AGPAT4: variants seen among roughly 807,000 people sequenced by gnomAD.
AGPAT4 encodes 1-acylglycerol-3-phosphate O-acyltransferase 4.
In AGPAT4, 15 loss-of-function variants were observed where a neutral mutation model predicts 48.0. The ratio of observed to expected loss-of-function variants is 0.31; its 90% CI spans 0.21 to 0.48. The LOEUF is 0.48. Ranked by LOEUF, AGPAT4 falls within the 20% of genes least tolerant of loss-of-function variation. The probability of loss-of-function intolerance (pLI) is 0.99; values close to 1 mark genes in which losing one functional copy is unlikely to be tolerated. For missense variants in AGPAT4, 314 were observed against 482.5 expected, an observed-to-expected ratio of 0.65 and a Z score of 3.27; for synonymous variants, 178 against 198.7, an observed-to-expected ratio of 0.90 and a Z score of 0.88.
rs1280056486 is a variant in AGPAT4 at position 161,238,115 on chromosome 6, G to A, written c.-89-5813C>T. ...GGGGCGGGAGGCAGAATGCAGCATAGTTGTTGGAGCTTCCGCTGTGGAGAG... is the reference window on the plus strand; with the variant it reads ...GGGGCGGGAGGCAGAATGCAGCATAATTGTTGGAGCTTCCGCTGTGGAGAG... On this transcript the variant is annotated intron_variant, in intron 1 of 8. Transcript: ENST00000320285. The surrounding 1 kb of genome is among the most constrained non-coding windows in gnomAD (Gnocchi z 5.2). Among the ~76,000 whole-genome samples, 1 of 152,092 alleles carries A rather than the reference G, an allele frequency of 6.6e-6. No homozygotes were observed. Among genetic ancestry groups the A allele is most frequent in the African/African-American group, 2.4e-5 (1 of 41,392 alleles).
rs969683121 is a variant in AGPAT4 at position 161,267,969 on chromosome 6, A to G, written c.-90+5969T>C. Among the ~76,000 whole-genome samples, 1 of 152,224 alleles carries G rather than the reference A, an allele frequency of 6.6e-6. No homozygotes were observed. The highest frequency in any genetic ancestry group is 1.5e-5 in the Non-Finnish European group (1 of 68,038). On this transcript the variant is annotated intron_variant, in intron 1 of 8. Transcript: ENST00000320285. This position sits in a 1 kb window ranked among gnomAD's most constrained non-coding sequence, Gnocchi z 5.2. Reference sequence around the variant, plus strand: ...GCTCTGCACTGGGCATGGGAGACAGACTGTGGAATATGCCATGGCAAGGTG... The same window carrying G: ...GCTCTGCACTGGGCATGGGAGACAGGCTGTGGAATATGCCATGGCAAGGTG...
rs913034954 is a variant in AGPAT4, at chr6:161,131,192, C to A, written c.*5348G>T. 1.1e-5 allele frequency: 3 copies of A among 274,722 alleles called. No homozygotes were observed. The highest frequency in any genetic ancestry group is 6.6e-5 in the African/African-American group (3 of 45,600). 17.0% of individuals were successfully genotyped at this position (274,722 alleles called of 1,614,324 possible). On this transcript the variant is annotated 3_prime_UTR_variant, in exon 9 of 9. Coordinates refer to ENST00000320285, the MANE Select transcript of AGPAT4 (RefSeq NM_020133.3). Reference sequence around the variant, plus strand: ...AAATGTAAAAATTGTATGACTCTTACCCAGTGAAAAGCTTTACTAACACAG... The same window carrying A: ...AAATGTAAAAATTGTATGACTCTTAACCAGTGAAAAGCTTTACTAACACAG...
rs11963044 is a variant in AGPAT4, at chr6:161,243,658, G to A, written c.-89-11356C>T. 0.04 allele frequency among the ~76,000 whole-genome samples: 6,113 copies of A among 152,254 alleles called. 418 individuals carry two copies. Among genetic ancestry groups the A allele is most frequent in the African/African-American group, 0.14 (5,679 of 41,528 alleles). ...GCAGAGAAACAGCACAACAGCTGCA[G>A]GAAGAACCCTCAGTCGAAGCCCCTG... On this transcript the variant is annotated intron_variant, in intron 1 of 8. Coordinates refer to ENST00000320285, the MANE Select transcript of AGPAT4 (RefSeq NM_020133.3). This position sits in a 1 kb window ranked among gnomAD's most constrained non-coding sequence, Gnocchi z 4.8.
chr6:161,235,709 G>C lies in AGPAT4; in HGVS notation c.-89-3407C>G, dbSNP rs182700956. Among the ~76,000 whole-genome samples, 174 of 152,236 alleles carry C rather than the reference G, an allele frequency of 1.1e-3. 1 individual carries two copies. Among genetic ancestry groups the C allele is most frequent in the African/African-American group, 4.0e-3 (165 of 41,542 alleles). ...GGAGCGGGCATCTTACAAGGCAGGA[G>C]GAAGAGCGAGAGAGAGAGAAGGGGG... On this transcript the variant is annotated intron_variant, in intron 1 of 8. Transcript: ENST00000320285. This position sits in a 1 kb window ranked among gnomAD's most constrained non-coding sequence, Gnocchi z 6.2.
In AGPAT4 at chr6:161,196,597, CAA is replaced by C. The variant is rs1309211288; in HGVS notation, c.179-30182_179-30181del. On this transcript the variant is annotated intron_variant, in intron 2 of 8. Transcript: ENST00000320285. The surrounding 1 kb of genome is among the most constrained non-coding windows in gnomAD (Gnocchi z 4.3). ...CCGAGTCAGGCGGATCACTTGAGGT[CAA>C]GAGTTCGAGACCAGCCTGGCCAACA... is the stretch of plus-strand genomic sequence containing the variant. Among the ~76,000 whole-genome samples the C allele has an allele frequency of 4.6e-5, 7 of 151,948 alleles. No homozygotes were observed. The highest frequency in any genetic ancestry group is 3.9e-4 in the Admixed American group (6 of 15,258).
In AGPAT4 at chr6:161,272,129, A is replaced by G. The variant is rs144327223; in HGVS notation, c.-90+1809T>C. On this transcript the variant is annotated intron_variant, in intron 1 of 8. Transcript: ENST00000320285. This position sits in a 1 kb window ranked among gnomAD's most constrained non-coding sequence, Gnocchi z 4.2. ...TGCCCCATTTTCAGGTAACTTTTCT[A>G]CCTGAATTACTTAGGACCTCTGGAT... Among the ~76,000 whole-genome samples the G allele has an allele frequency of 2.0e-5, 3 of 152,232 alleles. No homozygotes were observed. The East Asian group carries it at 5.8e-4, about 29-fold the overall frequency.
Position 161,261,716 on chromosome 6 carries a change from C to T in AGPAT4, c.-90+12222G>A, listed in dbSNP as rs1383023158. Among the ~76,000 whole-genome samples the T allele has an allele frequency of 6.6e-6, 1 of 152,236 alleles. No homozygotes were observed. The highest frequency in any genetic ancestry group is 6.5e-5 in the Admixed American group (1 of 15,286). On this transcript the variant is annotated intron_variant, in intron 1 of 8. Coordinates refer to ENST00000320285, the MANE Select transcript of AGPAT4 (RefSeq NM_020133.3). The surrounding 1 kb of genome is among the most constrained non-coding windows in gnomAD (Gnocchi z 5.3). ...GAGCTCTACCTCTTTTCTAGGAATA[C>T]ATGTTTGTAAGGGGGTTTCCTCCAC...
rs1052002518 is a variant in AGPAT4, at chr6:161,144,490, G to C, written c.843+2034C>G. Among the ~76,000 whole-genome samples, 11 of 152,142 alleles carry C rather than the reference G, an allele frequency of 7.2e-5. No homozygotes were observed. The highest frequency in any genetic ancestry group is 7.2e-4 in the Admixed American group (11 of 15,278). On this transcript the variant is annotated intron_variant, in intron 7 of 8. Transcript: ENST00000320285. This position sits in a 1 kb window ranked among gnomAD's most constrained non-coding sequence, Gnocchi z 6.6. Reference sequence around the variant, plus strand: ...CCTAAGAGACTTTTAACAAGAAGGAGATGTGCCTCTCAGCTTGGTTTACAC... The same window carrying C: ...CCTAAGAGACTTTTAACAAGAAGGACATGTGCCTCTCAGCTTGGTTTACAC...
rs1779201612 is a variant in AGPAT4 at position 161,140,057 on chromosome 6, C to G, written c.844-437G>C. Among the ~76,000 whole-genome samples the G allele has an allele frequency of 6.6e-6, 1 of 152,224 alleles. No individual in the cohort carries two copies. The highest frequency in any genetic ancestry group is 1.5e-5 in the Non-Finnish European group (1 of 68,030). On this transcript the variant is annotated intron_variant, in intron 7 of 8. Coordinates refer to ENST00000320285, the MANE Select transcript of AGPAT4 (RefSeq NM_020133.3). This position sits in a 1 kb window ranked among gnomAD's most constrained non-coding sequence, Gnocchi z 6.5. ...CCCGCAGGGGACACTCGGTGGAGACCTGGCCCGCAGTCAGGAGGAGCTCGC... is the reference window on the plus strand; with the variant it reads ...CCCGCAGGGGACACTCGGTGGAGACGTGGCCCGCAGTCAGGAGGAGCTCGC...
In AGPAT4 at chr6:161,201,574, T is replaced by C. The variant is rs3778225; in HGVS notation, c.178+30462A>G. Among the ~76,000 whole-genome samples the C allele has an allele frequency of 4.5e-4, 68 of 152,358 alleles. No individual in the cohort carries two copies. The East Asian group carries it at 0.013, about 29-fold the overall frequency. ...CTCCTGCAATACAGAGCCTCTGTCT[T>C]CTTCAGCAGGGCTTCTCAAACTCTA... On this transcript the variant is annotated intron_variant, in intron 2 of 8. Transcript: ENST00000320285. The surrounding 1 kb of genome is among the most constrained non-coding windows in gnomAD (Gnocchi z 6.0).
intron 2 of AGPAT4, among the ~76,000 whole-genome samples, chr6:161,168,127 T>G (rs4299803): frequency 0.21 from 29,975 of 142,110 alleles, 3,926 homozygotes; most frequent in African/African-American, 0.39. Context: ...AAGGCGGTGG[T>G]GGGGTGGGGG....
rs1781725371 is a variant in AGPAT4, at chr6:161,218,720, G to T, written c.178+13316C>A. Among the ~76,000 whole-genome samples, 1 of 152,176 alleles carries T rather than the reference G, an allele frequency of 6.6e-6. No homozygotes were observed. Among genetic ancestry groups the T allele is most frequent in the Non-Finnish European group, 1.5e-5 (1 of 68,046 alleles). On this transcript the variant is annotated intron_variant, in intron 2 of 8. Transcript: ENST00000320285. This position sits in a 1 kb window ranked among gnomAD's most constrained non-coding sequence, Gnocchi z 4.7. ...GCCATAAGGATGCTAGAAAATAACTGCTGTCCTCAACACTTTCCATATCAT... is the reference window on the plus strand; with the variant it reads ...GCCATAAGGATGCTAGAAAATAACTTCTGTCCTCAACACTTTCCATATCAT...
At position 161,165,362 on chromosome 6, in the gene AGPAT4, T is replaced by C. The variant is rs933826763; in HGVS notation, c.348+886A>G. On this transcript the variant is annotated intron_variant, in intron 3 of 8. Transcript: ENST00000320285. The surrounding 1 kb of genome is among the most constrained non-coding windows in gnomAD (Gnocchi z 5.5). ...GTTCCCTATGTCCTCCATGGCCTGA[T>C]AGCCTCTGTCTCCAATCTTCTATAT... Among the ~76,000 whole-genome samples the C allele has an allele frequency of 4.6e-5, 7 of 152,186 alleles. No homozygotes were observed. The highest frequency in any genetic ancestry group is 1.7e-4 in the African/African-American group (7 of 41,442).
chr6:161,245,425 G>T lies in AGPAT4; in HGVS notation c.-89-13123C>A, dbSNP rs989502830. On this transcript the variant is annotated intron_variant, in intron 1 of 8. Transcript: ENST00000320285. The surrounding 1 kb of genome is among the most constrained non-coding windows in gnomAD (Gnocchi z 5.2). Reference sequence around the variant, plus strand: ...ATGGGAAATGGGGCCACTTGTGCACGTGCCTTTAACCACAGTGCTTCTGAT... The same window carrying T: ...ATGGGAAATGGGGCCACTTGTGCACTTGCCTTTAACCACAGTGCTTCTGAT... 1.3e-5 allele frequency among the ~76,000 whole-genome samples: 2 copies of T among 152,278 alleles called. No individual in the cohort carries two copies. Among genetic ancestry groups the T allele is most frequent in the African/African-American group, 2.4e-5 (1 of 41,558 alleles).
chr6:161,191,212 G>A (rs1056434057), intron 2 of AGPAT4, among the ~76,000 whole-genome samples: 4 of 152,168 alleles, frequency 2.6e-5, no homozygotes, highest in Non-Finnish European at 4.4e-5. Context: ...CCAAAATGTA[G>A]AGGAGTTAAC....
chr6:161,149,169 G>A lies in AGPAT4; in HGVS notation c.767+18C>T. ...AAATGGGCACTGTCTTTTCTGGAAA[G>A]GAAACAGTTCGACTTACCTAACATA... On this transcript the variant is annotated intron_variant, in intron 6 of 8. Coordinates refer to ENST00000320285, the MANE Select transcript of AGPAT4 (RefSeq NM_020133.3). This position sits in a 1 kb window ranked among gnomAD's most constrained non-coding sequence, Gnocchi z 6.5. 2 of 1,608,388 alleles carry A rather than the reference G, an allele frequency of 1.2e-6. No individual in the cohort carries two copies. The highest frequency in any genetic ancestry group is 8.5e-7 in the Non-Finnish European group (1 of 1,178,460).
At position 161,137,574 on chromosome 6, in the gene AGPAT4, G is replaced by A. The variant is rs901667149; in HGVS notation, c.1043-940C>T. ...CTGCATGGAGCGTAACAGTAACAGTGAGAGTGGAGTTATTGTAGAGCAGAA... is the reference window on the plus strand; with the variant it reads ...CTGCATGGAGCGTAACAGTAACAGTAAGAGTGGAGTTATTGTAGAGCAGAA... On this transcript the variant is annotated intron_variant, in intron 8 of 8. Coordinates refer to ENST00000320285, the MANE Select transcript of AGPAT4 (RefSeq NM_020133.3). This position sits in a 1 kb window ranked among gnomAD's most constrained non-coding sequence, Gnocchi z 6.1. Among the ~76,000 whole-genome samples, 1 of 152,256 alleles carries A rather than the reference G, an allele frequency of 6.6e-6. No homozygotes were observed. The highest frequency in any genetic ancestry group is 2.4e-5 in the African/African-American group (1 of 41,468).
Position 161,138,204 on chromosome 6 carries a change from CTTAT to C in AGPAT4, c.1042+1214_1042+1217del, listed in dbSNP as rs1779135887. 2.6e-5 allele frequency among the ~76,000 whole-genome samples: 4 copies of C among 152,320 alleles called. No homozygotes were observed. The South Asian group carries it at 8.3e-4, about 32-fold the overall frequency. On this transcript the variant is annotated intron_variant, in intron 8 of 8. Transcript: ENST00000320285. This position sits in a 1 kb window ranked among gnomAD's most constrained non-coding sequence, Gnocchi z 4.8. ...GATGAGGTGCTTTCTTCTCCAACCT[CTTAT>C]TTTTTTCCCTTACACGGTGTGGGTG...
intron 2 of AGPAT4, among the ~76,000 whole-genome samples, chr6:161,224,460 A>G (rs757019429): frequency 1.3e-5 from 2 of 152,056 alleles, no homozygotes; most frequent in Non-Finnish European, 2.9e-5. Flanking sequence ...CCTGGGCAAC[A>G]TGGTGAAACC....
Sources: allele counts gnomAD v4.1 joint callset (sites outside exome capture counted in the v4.1 genomes callset), GRCh38; gene constraint gnomAD v4.1.1; non-coding constraint Gnocchi (gnomAD v3.1); transcripts MANE v1.5; gene names NCBI Gene and HGNC (gene_info 2026-07-23, HGNC 2026-07-21).